The following MTA3 variants were observed in gnomAD, a reference collection of about 807,000 sequenced individuals.
MTA3 encodes metastasis associated 1 family member 3, also known as metastasis-associated protein MTA3.
A neutral mutation model predicts 83.5 loss-of-function variants in MTA3; 34 were observed. That is an observed-to-expected ratio of 0.41 (90% CI 0.31 to 0.54). The LOEUF is 0.54. Among genes scored for constraint, MTA3 ranks in the 20% least tolerant of loss-of-function variants. MTA3 has a pLI of 0.33. For synonymous variants in MTA3, 303 were observed against 252.7 expected (o/e 1.20, Z -1.89); for missense variants, 761 against 726.4 (o/e 1.05, Z -0.55).
intron 15 of MTA3, among the ~76,000 whole-genome samples, chr2:42,719,621 G>T (rs1667265410): frequency 6.6e-6 from 1 of 152,098 alleles, no homozygotes; most frequent in South Asian, 2.1e-4. Context: ...CGATCTTCCT[G>T]CCTTGACTTC....
intron 4 of MTA3, among the ~76,000 whole-genome samples, chr2:42,622,992 T>G (rs550089554): frequency 1.3e-5 from 2 of 152,256 alleles, no homozygotes; most frequent in South Asian, 4.1e-4. Flanking sequence ...CCAGAAGAGA[T>G]TCACAAGTAT....
intron 4 of MTA3, among the ~76,000 whole-genome samples, chr2:42,635,616 C>G (rs60001413): frequency 0.017 from 2,605 of 151,104 alleles, 70 homozygotes; most frequent in African/African-American, 0.06. Flanking sequence ...GGCAACAGAG[C>G]GAGACTCTAT....
intron 2 of MTA3, among the ~76,000 whole-genome samples, chr2:42,502,797 CAA>C (rs3039405): frequency 4.7e-5 from 4 of 85,312 alleles, no homozygotes; most frequent in Admixed American, 1.2e-4. Flanking sequence ...AACTCTGTCT[CAA>C]AAAAAAAAAA....
chr2:42,646,323 A>C (rs563383786), intron 6 of MTA3, among the ~76,000 whole-genome samples: 1 of 152,262 alleles, frequency 6.6e-6, no homozygotes, highest in Non-Finnish European at 1.5e-5. Flanking sequence ...TCTATGGATC[A>C]AGGAGAAATT....
At chr2:42,598,694 G>T (rs911676594) in intron 3 of MTA3, among the ~76,000 whole-genome samples, 1 of 152,160 alleles carries the variant, frequency 6.6e-6, no homozygotes, top group Non-Finnish European at 1.5e-5. Flanking sequence ...AATTAACGTT[G>T]TTGAGCCTTA....
At position 42,541,283 on chromosome 2, in the gene MTA3, G is replaced by A. The variant is rs1037647130; in HGVS notation, c.-140-29154G>A. Among the ~76,000 whole-genome samples, 20 of 152,146 alleles carry A rather than the reference G, an allele frequency of 1.3e-4. No homozygotes were observed. In the South Asian group the frequency reaches 3.3e-3, roughly 25 times the overall value. On this transcript the variant is annotated intron_variant, in intron 2 of 17. Coordinates refer to the MTA3 transcript ENST00000405592. ...CGACCTCAGGTGATCCACCCGCCTC[G>A]GCCTCCCAGAGTGCTGGGATTACAG...
At chr2:42,669,813 C>T (rs1690632139) in intron 8 of MTA3, among the ~76,000 whole-genome samples, 3 of 151,988 alleles carry the variant, frequency 2.0e-5, no homozygotes, top group Admixed American at 6.6e-5. Context: ...TACTTTTTCT[C>T]CTACAAATTT....
At chr2:42,702,409 A>G (rs1665665393) in intron 11 of MTA3, 1 of 152,190 alleles carries the variant, frequency 6.6e-6, no homozygotes, top group Non-Finnish European at 1.5e-5. Flanking sequence ...CCAAAAGGAA[A>G]TCTTAAGTAG....
intron 11 of MTA3, chr2:42,702,459 C>T (rs1458550293): frequency 6.6e-6 from 1 of 152,120 alleles, no homozygotes; most frequent in Non-Finnish European, 1.5e-5. Context: ...ACAAACCAGG[C>T]TTTAACAGGT....
At chr2:42,616,572 CTTTTTTTTTTTTT>C (rs70963338) in intron 4 of MTA3, among the ~76,000 whole-genome samples, 3 of 56,212 alleles carry the variant, frequency 5.3e-5, no homozygotes, top group African/African-American at 1.5e-4. Flanking sequence ...TCTTCTTCTT[CTTTTTTTTTTTTT>C]TTTTTTTTTT....
intron 2 of MTA3, among the ~76,000 whole-genome samples, chr2:42,544,951 A>G (rs1676692471): frequency 6.6e-6 from 1 of 152,214 alleles, no homozygotes; most frequent in Non-Finnish European, 1.5e-5. Context: ...ACCAGCTAAT[A>G]TCTGACCTTA....
intron 16 of MTA3, among the ~76,000 whole-genome samples, chr2:42,729,143 G>C (rs748625903): frequency 2.4e-5 from 3 of 124,166 alleles, no homozygotes; most frequent in Non-Finnish European, 3.1e-5. Flanking sequence ...GCTCAGGCTG[G>C]AGTGCAGTGG....
intron 8 of MTA3, among the ~76,000 whole-genome samples, chr2:42,677,531 T>C (rs1374756690): frequency 6.6e-6 from 1 of 151,888 alleles, no homozygotes; most frequent in Non-Finnish European, 1.5e-5. Context: ...TTAGTAGAGA[T>C]GGGTTTTCGC....
chr2:42,701,845 G>A (rs955980939), intron 11 of MTA3, among the ~76,000 whole-genome samples: 1 of 151,948 alleles, frequency 6.6e-6, no homozygotes, highest in African/African-American at 2.4e-5. Flanking sequence ...CCTGCCGGGG[G>A]CAGAGGTTGC....
rs190336301 is a variant in MTA3 at position 42,688,582 on chromosome 2, T to C, written c.891+5993T>C. ...AGTGGGCTTCTTTTGTTTGTTGATT[T>C]TGAGAGTTTGTTATGTATTTTGCAT... On this transcript the variant is annotated intron_variant, in intron 9 of 16. Transcript: ENST00000405094. Among the ~76,000 whole-genome samples the C allele has an allele frequency of 4.4e-3, 676 of 152,038 alleles. 2 individuals carry two copies. The highest frequency in any genetic ancestry group is 6.9e-3 in the Non-Finnish European group (468 of 68,008).
intron 2 of MTA3, among the ~76,000 whole-genome samples, chr2:42,519,999 G>A (rs776410559): frequency 1.3e-5 from 2 of 151,550 alleles, no homozygotes; most frequent in Non-Finnish European, 2.9e-5. Context: ...TTGAGATCAC[G>A]CTGCTGTACT....
At chr2:42,579,444 C>T (rs1204483435) in intron 3 of MTA3, among the ~76,000 whole-genome samples, 47 of 140,166 alleles carry the variant, frequency 3.4e-4, no homozygotes, top group African/African-American at 1.2e-3. Flanking sequence ...TTTTTTTTTC[C>T]GGAGACAAAG....
chr2:42,656,886 ATAT>A (rs1371516507), intron 7 of MTA3, among the ~76,000 whole-genome samples: 1 of 152,364 alleles, frequency 6.6e-6, no homozygotes, highest in East Asian at 1.9e-4. Flanking sequence ...ATATAGTGAA[ATAT>A]TATTTTATGG....
chr2:42,712,511 A>G (rs924587422), intron 14 of MTA3, among the ~76,000 whole-genome samples: 3 of 152,066 alleles, frequency 2.0e-5, no homozygotes, highest in African/African-American at 7.2e-5. Flanking sequence ...TTTTAAACCA[A>G]TTTCCCCAAA....
Sources: gnomAD v4.1 joint callset for allele counts (sites outside exome capture counted in the v4.1 genomes callset) on GRCh38, gnomAD v4.1.1 for gene constraint, MANE v1.5 for transcripts, NCBI Gene and HGNC (gene_info 2026-07-23, HGNC 2026-07-21) for gene names.